The following TIAM1 variants were observed in gnomAD, a reference collection of about 807,000 sequenced individuals.
TIAM1 encodes rho guanine nucleotide exchange factor TIAM1.
Under a neutral mutation model 163.5 loss-of-function variants are expected in TIAM1, and 65 were observed. The ratio of observed to expected loss-of-function variants is 0.40; its 90% CI spans 0.33 to 0.49. TIAM1 has a LOEUF of 0.49. Among genes scored for constraint, TIAM1 ranks in the 20% least tolerant of loss-of-function variants. The pLI, the probability that TIAM1 is intolerant of heterozygous loss-of-function variation, is 0.77. For synonymous variants in TIAM1, 833 were observed against 810.1 expected (o/e 1.03, Z -0.48); for missense variants, 1,789 against 2,044.7 (o/e 0.87, Z 2.41).
chr21:31,556,765 A>G (rs549014662), intron 1 of TIAM1, among the ~76,000 whole-genome samples: 1 of 152,352 alleles, frequency 6.6e-6, no homozygotes, highest in Non-Finnish European at 1.5e-5. Context: ...CTTAGTCAAC[A>G]GCCTCTTCCT....
intron 2 of TIAM1, among the ~76,000 whole-genome samples, chr21:31,371,741 T>C (rs1436139924): frequency 6.6e-6 from 1 of 152,184 alleles, no homozygotes; most frequent in African/African-American, 2.4e-5. Flanking sequence ...CAATTACTTG[T>C]CATCAGGCAA....
At chr21:31,192,665 A>C (rs1320778388) in intron 13 of TIAM1, among the ~76,000 whole-genome samples, 2 of 152,148 alleles carry the variant, frequency 1.3e-5, no homozygotes, top group Non-Finnish European at 2.9e-5. Flanking sequence ...TTAAGCGAGC[A>C]TATGAGGTAG....
chr21:31,273,893 A>C (rs1340303568), intron 3 of TIAM1, among the ~76,000 whole-genome samples: 4 of 152,250 alleles, frequency 2.6e-5, no homozygotes, highest in African/African-American at 9.6e-5. Flanking sequence ...ATGCCTGTGC[A>C]AGATCATTAT....
At chr21:31,346,967 T>C (rs778861089), upstream of TIAM1, among the ~76,000 whole-genome samples, 16 of 152,152 alleles carry the variant, frequency 1.1e-4, no homozygotes, top group African/African-American at 3.9e-4. Flanking sequence ...AAGAGCTTTT[T>C]GTTGTTACTT....
At chr21:31,428,889 A>C (rs2043895574) in intron 2 of TIAM1, among the ~76,000 whole-genome samples, 1 of 151,856 alleles carries the variant, frequency 6.6e-6, no homozygotes. Context: ...TCTCAAAAAA[A>C]AAAAAAAGTA....
chr21:31,124,771 C>A, intron 26 of TIAM1, 77 bp from the exon 27 acceptor site: 1 of 1,264,356 alleles, frequency 7.9e-7, no homozygotes. Context: ...TCAGGTGCAA[C>A]CAAATAAATA....
At chr21:31,277,697 G>A (rs184573331) in intron 2 of TIAM1, among the ~76,000 whole-genome samples, 18 of 151,806 alleles carry the variant, frequency 1.2e-4, no homozygotes, top group Non-Finnish European at 2.7e-4. Flanking sequence ...CAACCCTCGG[G>A]GCTGCTCTGT....
intron 14 of TIAM1, among the ~76,000 whole-genome samples, chr21:31,186,778 C>T (rs1277597934): frequency 1.3e-5 from 2 of 151,728 alleles, no homozygotes; most frequent in African/African-American, 4.8e-5. Context: ...AAGACCTTGT[C>T]TCTAAAAATT....
At chr21:31,396,742 G>A (rs917191038) in intron 2 of TIAM1, among the ~76,000 whole-genome samples, 5 of 151,842 alleles carry the variant, frequency 3.3e-5, no homozygotes, top group Non-Finnish European at 7.4e-5. Flanking sequence ...TTGAGGTCAG[G>A]AGCTCAAGAC....
chr21:31,522,311 A>G (rs2047627612), intron 1 of TIAM1, among the ~76,000 whole-genome samples: 1 of 151,724 alleles, frequency 6.6e-6, no homozygotes, highest in African/African-American at 2.4e-5. Context: ...GTTCGAGACC[A>G]GTCTGACCAA....
At chr21:31,402,832 G>A (rs1483914267) in intron 2 of TIAM1, among the ~76,000 whole-genome samples, 4 of 151,996 alleles carry the variant, frequency 2.6e-5, no homozygotes, top group Admixed American at 2.0e-4. Flanking sequence ...GGCACCTGTA[G>A]TCCCAGCTAC....
At chr21:31,352,396 C>T (rs968549691) in intron 2 of TIAM1, among the ~76,000 whole-genome samples, 3 of 152,004 alleles carry the variant, frequency 2.0e-5, no homozygotes, top group Non-Finnish European at 2.9e-5. Flanking sequence ...GATGGTTGTA[C>T]AACATTGTGA....
chr21:31,463,465 T>G (rs1285090030), intron 2 of TIAM1, among the ~76,000 whole-genome samples: 1 of 152,098 alleles, frequency 6.6e-6, no homozygotes, highest in Non-Finnish European at 1.5e-5. Context: ...TGTCACCTCC[T>G]AATTGGTCTC....
At chr21:31,469,018 C>T (rs1263126300) in intron 1 of TIAM1, among the ~76,000 whole-genome samples, 1 of 151,588 alleles carries the variant, frequency 6.6e-6, no homozygotes, top group African/African-American at 2.4e-5. Flanking sequence ...CCCTTTTTCT[C>T]TCAGGCTTCA....
chr21:31,285,876 A>T (rs1199608438), intron 2 of TIAM1, among the ~76,000 whole-genome samples: 2 of 152,172 alleles, frequency 1.3e-5, no homozygotes, highest in Non-Finnish European at 2.9e-5. Flanking sequence ...TAAATTAATT[A>T]ATTAATCAAT....
intron 12 of TIAM1, among the ~76,000 whole-genome samples, chr21:31,202,383 C>T (rs1435533747): frequency 6.9e-6 from 1 of 145,038 alleles, no homozygotes; most frequent in African/African-American, 2.7e-5. Flanking sequence ...AGGATCCTGT[C>T]TCTACAAAAA....
intron 2 of TIAM1, among the ~76,000 whole-genome samples, chr21:31,360,627 T>G (rs1458381736): frequency 6.6e-6 from 1 of 152,160 alleles, no homozygotes; most frequent in African/African-American, 2.4e-5. Context: ...TGAGACAATG[T>G]TTGCGACTCA....
chr21:31,408,292 T>C (rs983085245), intron 2 of TIAM1, among the ~76,000 whole-genome samples: 3 of 152,174 alleles, frequency 2.0e-5, no homozygotes, highest in African/African-American at 7.2e-5. Flanking sequence ...AGAGAAGAAA[T>C]GAGAGTCTGT....
At chr21:31,281,850 T>C (rs1216335348) in intron 2 of TIAM1, among the ~76,000 whole-genome samples, 1 of 151,762 alleles carries the variant, frequency 6.6e-6, no homozygotes, top group Non-Finnish European at 1.5e-5. Context: ...GAATGGATAA[T>C]TGATGGGTGG....
Sources: gnomAD v4.1 joint callset for allele counts (sites outside exome capture counted in the v4.1 genomes callset) on GRCh38, gnomAD v4.1.1 for gene constraint, MANE v1.5 for transcripts, NCBI Gene and HGNC (gene_info 2026-07-23, HGNC 2026-07-21) for gene names.